PLCH1: variants seen among roughly 807,000 people sequenced by gnomAD.
PLCH1 encodes 1-phosphatidylinositol 4,5-bisphosphate phosphodiesterase eta-1.
Under a neutral mutation model 126.7 loss-of-function variants are expected in PLCH1, and 60 were observed. The observed-to-expected ratio is 0.47, with a 90% CI of 0.38 to 0.59. The LOEUF is 0.59. Ranked by LOEUF, PLCH1 falls within the 20% of genes least tolerant of loss-of-function variation. The probability of loss-of-function intolerance (pLI) is 0.00; values close to 1 mark genes in which losing one functional copy is unlikely to be tolerated. For missense variants in PLCH1, 1,723 were observed against 2,040.0 expected (o/e 0.84, Z 2.99); for synonymous variants, 719 against 734.9 (o/e 0.98, Z 0.35).
At chr3:155,704,078 G>T (rs2109082769) in intron 2 of PLCH1, 68 bp downstream of exon 2, 1 of 594,618 alleles carries the variant, frequency 1.7e-6, no homozygotes, top group Non-Finnish European at 2.5e-6. Flanking sequence ...CATCTAGAGT[G>T]CTAGAATAAA....
At chr3:155,744,135 A>T (rs1027714119) in intron 1 of PLCH1, among the ~76,000 whole-genome samples, 4 of 152,156 alleles carry the variant, frequency 2.6e-5, no homozygotes, top group Admixed American at 6.5e-5. Context: ...AGGGCGTCGC[A>T]GACGCTCAAC....
intron 2 of PLCH1, among the ~76,000 whole-genome samples, chr3:155,698,429 A>G (rs1035309370): frequency 4.6e-5 from 7 of 152,224 alleles, no homozygotes; most frequent in Non-Finnish European, 1.0e-4. Context: ...GTTCTAAACT[A>G]GACATAAATA....
rs965486164 is a variant in PLCH1, at chr3:155,469,673, C to T, written c.2938+15683G>A. Among the ~76,000 whole-genome samples the T allele has an allele frequency of 3.0e-3, 452 of 151,956 alleles. 1 individual carries two copies. Among genetic ancestry groups the T allele is most frequent in the African/African-American group, 0.01 (434 of 41,492 alleles). On this transcript the variant is annotated intron_variant, in intron 21 of 21. Coordinates refer to the PLCH1 transcript ENST00000494598. ...AGTAACCTCTGCAGACTTAAATGTC[C>T]CTGTCTGACAGCTTTGAAGAGAGCA...
chr3:155,457,175 AAG>A (rs1712468683), intron 21 of PLCH1: 1 of 152,408 alleles, frequency 6.6e-6, no homozygotes, highest in Non-Finnish European at 1.5e-5. Flanking sequence ...GCTGGGGAAA[AAG>A]AGTGATGGCC....
chr3:155,610,165 T>A (rs1734852956), intron 2 of PLCH1, among the ~76,000 whole-genome samples: 1 of 151,750 alleles, frequency 6.6e-6, no homozygotes, highest in South Asian at 2.1e-4. Flanking sequence ...ATTGAGACCA[T>A]CCTGGCTAAC....
intron 2 of PLCH1, among the ~76,000 whole-genome samples, chr3:155,619,511 A>G (rs1449994915): frequency 6.6e-6 from 1 of 151,950 alleles, no homozygotes; most frequent in Non-Finnish European, 1.5e-5. Context: ...AAAAAAAAAA[A>G]AAGAAGAAAA....
At chr3:155,740,058 G>A (rs999096587) in intron 1 of PLCH1, among the ~76,000 whole-genome samples, 11 of 152,084 alleles carry the variant, frequency 7.2e-5, no homozygotes, top group Admixed American at 6.6e-4. Flanking sequence ...TAGACATAGC[G>A]TGTGTACCAT....
chr3:155,664,367 G>A (rs1376294951), intron 2 of PLCH1, among the ~76,000 whole-genome samples: 1 of 152,222 alleles, frequency 6.6e-6, no homozygotes, highest in Non-Finnish European at 1.5e-5. Context: ...AGCACCTGCT[G>A]TAACTCAGGT....
At chr3:155,483,202 G>T in intron 22 of PLCH1, 151 bp from the exon 23 acceptor site, 1 of 912,350 alleles carries the variant, frequency 1.1e-6, no homozygotes, top group Non-Finnish European at 1.7e-6. Context: ...TTGCAACAAA[G>T]TGTCTGTGTG....
At chr3:155,722,912 G>T (rs569476232) in intron 1 of PLCH1, among the ~76,000 whole-genome samples, 1 of 152,146 alleles carries the variant, frequency 6.6e-6, no homozygotes. Context: ...ATTCTTCTTT[G>T]AATGTCTGAT....
At chr3:155,537,599 C>G (rs1354733549) in intron 10 of PLCH1, among the ~76,000 whole-genome samples, 2 of 151,934 alleles carry the variant, frequency 1.3e-5, no homozygotes, top group Non-Finnish European at 2.9e-5. Context: ...AGCAGCTATC[C>G]TTATATCAGA....
chr3:155,661,890 T>A (rs1166644195), intron 2 of PLCH1, among the ~76,000 whole-genome samples: 1 of 152,188 alleles, frequency 6.6e-6, no homozygotes, highest in Admixed American at 6.5e-5. Flanking sequence ...CTTAAGCAAA[T>A]AGGCACTTCC....
intron 10 of PLCH1, 72 bp downstream of exon 10, chr3:155,549,715 T>C (rs1174237807): frequency 3.7e-6 from 4 of 1,079,842 alleles, no homozygotes; most frequent in Non-Finnish European, 5.5e-6. Flanking sequence ...TTGAAACCCA[T>C]TTTTATTCTT....
chr3:155,653,841 T>C (rs1741057739), intron 2 of PLCH1, among the ~76,000 whole-genome samples: 1 of 152,158 alleles, frequency 6.6e-6, no homozygotes, highest in Admixed American at 6.6e-5. Context: ...GGATTATTCA[T>C]AAGAATCTTC....
chr3:155,465,706 T>C (rs1180756947), intron 21 of PLCH1, among the ~76,000 whole-genome samples: 1 of 152,044 alleles, frequency 6.6e-6, no homozygotes, highest in Non-Finnish European at 1.5e-5. Flanking sequence ...AACTTGACTC[T>C]TAGACAGCAT....
intron 2 of PLCH1, among the ~76,000 whole-genome samples, chr3:155,682,018 T>C (rs1447366919): frequency 6.6e-6 from 1 of 152,190 alleles, no homozygotes; most frequent in Non-Finnish European, 1.5e-5. Context: ...CAATATCTGG[T>C]TCTGAAGCAG....
At chr3:155,632,833 T>G (rs1270891496) in intron 2 of PLCH1, among the ~76,000 whole-genome samples, 2 of 152,174 alleles carry the variant, frequency 1.3e-5, no homozygotes. Flanking sequence ...CATTTGAATT[T>G]CTGATATTAA....
chr3:155,458,764 G>T (rs1314379024), intron 21 of PLCH1, among the ~76,000 whole-genome samples: 1 of 152,186 alleles, frequency 6.6e-6, no homozygotes, highest in Non-Finnish European at 1.5e-5. Flanking sequence ...ACTGCTCTGA[G>T]ATGCGATGGT....
At chr3:155,521,899 A>C (rs1721152100) in intron 11 of PLCH1, among the ~76,000 whole-genome samples, 1 of 152,252 alleles carries the variant, frequency 6.6e-6, no homozygotes, top group Non-Finnish European at 1.5e-5. Context: ...AAACCAAAGA[A>C]TCCAAATGAA....
Sources: gnomAD v4.1 joint callset for allele counts (sites outside exome capture counted in the v4.1 genomes callset) on GRCh38, gnomAD v4.1.1 for gene constraint, MANE v1.5 for transcripts, NCBI Gene and HGNC (gene_info 2026-07-23, HGNC 2026-07-21) for gene names.